RUNX2: variants seen among roughly 807,000 people sequenced by gnomAD.
RUNX2 encodes the protein RUNX family transcription factor 2.
In RUNX2, 10 loss-of-function variants were observed where a neutral mutation model predicts 51.7. That is an observed-to-expected ratio of 0.19 (90% confidence interval 0.12 to 0.33). RUNX2 has a LOEUF of 0.33. Ranked by LOEUF, RUNX2 falls within the 10% of genes least tolerant of loss-of-function variation. The pLI is 1.00. For missense variants in RUNX2, 562 were observed against 691.3 expected, an observed-to-expected ratio of 0.81 and a Z score of 2.10; for synonymous variants, 276 against 273.6, an observed-to-expected ratio of 1.01 and a Z score of -0.09.
intron 5 of RUNX2, among the ~76,000 whole-genome samples, chr6:45,491,162 C>G (rs565784026): frequency 7.2e-5 from 11 of 152,252 alleles, no homozygotes; most frequent in South Asian, 6.2e-4. Flanking sequence ...AGGCTCCCCC[C>G]CTCCGCCAAA....
chr6:45,430,878 G>A (rs1241696089), intron 3 of RUNX2, among the ~76,000 whole-genome samples: 2 of 152,164 alleles, frequency 1.3e-5, no homozygotes, highest in African/African-American at 2.4e-5. Flanking sequence ...AGAAGGGATT[G>A]TTACCAAGGG....
intron 2 of RUNX2, among the ~76,000 whole-genome samples, chr6:45,355,030 A>T (rs140504490): frequency 8.4e-4 from 128 of 152,254 alleles, no homozygotes; most frequent in African/African-American, 2.8e-3. Context: ...GCTAAAGTGC[A>T]GTGGTACGAT....
chr6:45,522,044 C>T (rs1396080535), intron 7 of RUNX2, among the ~76,000 whole-genome samples: 2 of 152,134 alleles, frequency 1.3e-5, no homozygotes. Flanking sequence ...ATAATTTCTG[C>T]CTGTCTAGAA....
intron 5 of RUNX2, among the ~76,000 whole-genome samples, chr6:45,451,714 A>C (rs1268052097): frequency 6.6e-6 from 1 of 152,216 alleles, no homozygotes; most frequent in Non-Finnish European, 1.5e-5. Context: ...GATTTAAAGA[A>C]GAACTTCTTG....
At chr6:45,539,055 T>G (rs1802135881) in intron 7 of RUNX2, among the ~76,000 whole-genome samples, 2 of 152,170 alleles carry the variant, frequency 1.3e-5, no homozygotes, top group Non-Finnish European at 2.9e-5. Flanking sequence ...TTTGGCTCGT[T>G]CCTTCCCTTA....
chr6:45,365,984 T>C (rs1795070920), intron 2 of RUNX2, among the ~76,000 whole-genome samples: 1 of 152,210 alleles, frequency 6.6e-6, no homozygotes, highest in East Asian at 1.9e-4. Context: ...TGGGTGCCAA[T>C]CCTAATGTAT....
intron 2 of RUNX2, among the ~76,000 whole-genome samples, chr6:45,366,620 C>A (rs1396277567): frequency 6.6e-6 from 1 of 152,066 alleles, no homozygotes; most frequent in East Asian, 1.9e-4. Flanking sequence ...CACAATCAGG[C>A]AAGTTTTTAA....
chr6:45,499,880 T>A (rs1800753038), intron 6 of RUNX2, among the ~76,000 whole-genome samples: 1 of 152,188 alleles, frequency 6.6e-6, no homozygotes, highest in South Asian at 2.1e-4. Context: ...CAACACATCA[T>A]CTTTCTCTTT....
At chr6:45,512,054 C>G (rs1017871065) in intron 6 of RUNX2, among the ~76,000 whole-genome samples, 192 bp from the exon 7 acceptor site, 1 of 151,942 alleles carries the variant, frequency 6.6e-6, no homozygotes, top group Non-Finnish European at 1.5e-5. Flanking sequence ...GTCTAGAACG[C>G]TTTGTGCTAT....
chr6:45,450,880 T>C (rs1156549127), intron 5 of RUNX2, among the ~76,000 whole-genome samples: 2 of 152,180 alleles, frequency 1.3e-5, no homozygotes, highest in South Asian at 2.1e-4. Flanking sequence ...CAAAAGTGGC[T>C]GTTTATAATT....
At chr6:45,344,867 T>C (rs987915408) in intron 2 of RUNX2, among the ~76,000 whole-genome samples, 2 of 152,126 alleles carry the variant, frequency 1.3e-5, no homozygotes, top group African/African-American at 4.8e-5. Flanking sequence ...GTAAAACTAA[T>C]GGTACAGAAT....
In RUNX2 at chr6:45,549,343, T is replaced by G. The variant is rs980265724; in HGVS notation, c.*2038T>G. The G allele has an allele frequency of 6.3e-5, 25 of 398,478 alleles. No individual in the cohort carries two copies. The highest frequency in any genetic ancestry group is 1.1e-4 in the Non-Finnish European group (24 of 226,060). 24.7% of individuals were successfully genotyped at this position (398,478 alleles called of 1,614,324 possible). A position where few individuals can be genotyped will look rare whatever the true frequency, so the allele number is the denominator to read the frequency against. ...CCCACCTTTGTAGGCCACCCAGCATTGCAGGACAGCGTGTGGGGCAGCTGG... is the reference window on the plus strand; with the variant it reads ...CCCACCTTTGTAGGCCACCCAGCATGGCAGGACAGCGTGTGGGGCAGCTGG... On this transcript the variant is annotated 3_prime_UTR_variant, in exon 9 of 9. Coordinates refer to ENST00000647337, the MANE Select transcript of RUNX2 (RefSeq NM_001024630.4).
chr6:45,486,371 A>G (rs1800282486), intron 5 of RUNX2, among the ~76,000 whole-genome samples: 1 of 152,204 alleles, frequency 6.6e-6, no homozygotes, highest in Admixed American at 6.5e-5. Context: ...CATGTAGTAG[A>G]TAACCAGTAC....
chr6:45,520,400 C>T (rs1801469351), intron 7 of RUNX2, among the ~76,000 whole-genome samples: 1 of 152,166 alleles, frequency 6.6e-6, no homozygotes, highest in Non-Finnish European at 1.5e-5. Flanking sequence ...GTTTGGTGGT[C>T]ATGCATACCA....
chr6:45,480,373 G>A (rs1277254197), intron 5 of RUNX2, among the ~76,000 whole-genome samples: 1 of 152,144 alleles, frequency 6.6e-6, no homozygotes, highest in Non-Finnish European at 1.5e-5. Flanking sequence ...ATTTTATTAG[G>A]GGGGTTATTT....
chr6:45,445,098 C>T (rs1051158422), intron 5 of RUNX2, among the ~76,000 whole-genome samples: 2 of 152,122 alleles, frequency 1.3e-5, no homozygotes, highest in African/African-American at 4.8e-5. Context: ...GATCTCGGCT[C>T]ACTGCAACCT....
intron 5 of RUNX2, among the ~76,000 whole-genome samples, chr6:45,461,761 T>G (rs562363557): frequency 7.2e-5 from 11 of 152,264 alleles, no homozygotes; most frequent in South Asian, 4.2e-4. Context: ...TATTTTTTTT[T>G]TTTGTTTTTT....
chr6:45,517,316 G>A (rs1298771546), intron 7 of RUNX2, among the ~76,000 whole-genome samples: 1 of 152,054 alleles, frequency 6.6e-6, no homozygotes, highest in Non-Finnish European at 1.5e-5. Context: ...TGAGTAGCTG[G>A]GACTAAAGGC....
chr6:45,422,376 C>A (rs1162583077), intron 2 of RUNX2: 6 of 544,864 alleles, frequency 1.1e-5, no homozygotes, highest in Non-Finnish European at 2.0e-5. Context: ...AGCCCGACTG[C>A]GCCGCATCGC....
Sources: gnomAD v4.1 joint callset for allele counts (sites outside exome capture counted in the v4.1 genomes callset) on GRCh38, gnomAD v4.1.1 for gene constraint, MANE v1.5 for transcripts, NCBI Gene and HGNC (gene_info 2026-07-23, HGNC 2026-07-21) for gene names.